Variants in KDM4C observed in about 807,000 individuals in gnomAD.
KDM4C encodes lysine-specific demethylase 4C.
A neutral mutation model predicts 129.3 loss-of-function variants in KDM4C; 81 were observed. The observed-to-expected ratio is 0.63, with a 90% CI of 0.52 to 0.75. The LOEUF (loss-of-function observed/expected upper bound fraction) is 0.75, where lower values mean the gene tolerates loss of function less well. KDM4C is among the 30% of genes least tolerant of loss of function. The pLI, the probability that KDM4C is intolerant of heterozygous loss-of-function variation, is 0.00. For missense variants in KDM4C, 1,457 were observed against 1,304.0 expected (o/e 1.12, Z -1.81); for synonymous variants, 573 against 456.1 (o/e 1.26, Z -3.26).
intron 5 of KDM4C, among the ~76,000 whole-genome samples, chr9:6,856,583 T>TA (rs1491295273): frequency 3.8e-5 from 5 of 132,210 alleles, no homozygotes; most frequent in Admixed American, 7.4e-5. Context: ...TGTGTGTGTA[T>TA]TTTTTTTTGA....
At position 7,128,112 on chromosome 9, in the gene KDM4C, T is replaced by G. The variant is rs754966516; in HGVS notation, c.2657T>G (p.Ile886Ser). ...GTCATTTCCGTGGGTCAAACGGTCA[T>G]CACGAAGCATCGGAACACCCGGTAT... ...EKVISVGQTV[I>S]TKHRNTRYYS... The change falls in exon 19 of 22, where the codon ATC becomes AGC. Residue 886 changes from isoleucine (I) to serine (S), a missense_variant. Transcript: ENST00000381309. The G allele has an allele frequency of 1.4e-5, 23 of 1,610,988 alleles. No individual in the cohort carries two copies. The highest frequency in any genetic ancestry group is 2.0e-5 in the Non-Finnish European group (23 of 1,178,760).
At chr9:6,841,867 C>G (rs1313699403) in intron 4 of KDM4C, among the ~76,000 whole-genome samples, 1 of 152,224 alleles carries the variant, frequency 6.6e-6, no homozygotes, top group East Asian at 1.9e-4. Flanking sequence ...ACAGAGACTT[C>G]TCTTAAGAAG....
chr9:6,861,432 A>G (rs1840903347), intron 5 of KDM4C, among the ~76,000 whole-genome samples: 1 of 152,240 alleles, frequency 6.6e-6, no homozygotes. Flanking sequence ...CAGCCTATAG[A>G]ATAGTACAGT....
At chr9:6,984,070 C>T in intron 9 of KDM4C, 96 bp from the exon 10 acceptor site, 2 of 740,896 alleles carry the variant, frequency 2.7e-6, no homozygotes, top group East Asian at 2.6e-5. Flanking sequence ...CAGTTGTTTC[C>T]TTCTTTAAGC....
intron 2 of KDM4C, among the ~76,000 whole-genome samples, chr9:6,795,103 G>T (rs1011217583): frequency 1.1e-4 from 16 of 152,128 alleles, no homozygotes; most frequent in Non-Finnish European, 2.9e-5. Flanking sequence ...CTGCCAGGCC[G>T]AACCACTCAG....
At chr9:6,952,437 A>AATTATT (rs1342230497) in intron 8 of KDM4C, among the ~76,000 whole-genome samples, 38 of 149,072 alleles carry the variant, frequency 2.5e-4, no homozygotes, top group East Asian at 5.9e-4. Flanking sequence ...ATATAATAAT[A>AATTATT]ATTATTATTA....
At chr9:6,828,792 A>G (rs895165547) in intron 4 of KDM4C, among the ~76,000 whole-genome samples, 3 of 151,978 alleles carry the variant, frequency 2.0e-5, no homozygotes, top group Admixed American at 6.6e-5. Flanking sequence ...AATTGTTTGA[A>G]CCTGGGAGGT....
chr9:6,805,160 A>G (rs1371042475), intron 2 of KDM4C, among the ~76,000 whole-genome samples: 1 of 152,126 alleles, frequency 6.6e-6, no homozygotes, highest in Non-Finnish European at 1.5e-5. Flanking sequence ...CGGCCTCCCA[A>G]AGTGCTGGAA....
At chr9:6,862,003 C>G (rs146328895) in intron 5 of KDM4C, among the ~76,000 whole-genome samples, 167 of 152,194 alleles carry the variant, frequency 1.1e-3, no homozygotes, top group Non-Finnish European at 2.1e-3. Context: ...AACTCCTGAC[C>G]TCAGGTGATT....
chr9:6,898,090 G>T (rs982374486), intron 8 of KDM4C, among the ~76,000 whole-genome samples: 2 of 152,216 alleles, frequency 1.3e-5, no homozygotes, highest in South Asian at 4.1e-4. Flanking sequence ...ATGAAGTGCA[G>T]TTGTTTGATG....
Position 6,758,302 on chromosome 9 carries a change from C to T in KDM4C, c.-18+99C>T, listed in dbSNP as rs112369177. On this transcript the variant is annotated intron_variant, in intron 1 of 21. Transcript: ENST00000381309. The surrounding 1 kb of genome is among the most constrained non-coding windows in gnomAD (Gnocchi z 4.6). ...TCCGCGTGGGGCACGGGGGTGCGGG[C>T]GTCCGGGCGAGCGGCGACGCTGGGG... The T allele has an allele frequency of 6.2e-5, 45 of 728,688 alleles. No individual in the cohort carries two copies. Among genetic ancestry groups the T allele is most frequent in the African/African-American group, 2.3e-4 (12 of 51,768 alleles). 45.1% of individuals were successfully genotyped at this position (728,688 alleles called of 1,614,324 possible).
chr9:6,869,697 G>A (rs1015845261), intron 5 of KDM4C, among the ~76,000 whole-genome samples: 1 of 152,202 alleles, frequency 6.6e-6, no homozygotes, highest in African/African-American at 2.4e-5. Flanking sequence ...TTGCATGTGG[G>A]CCGCCATTCC....
intron 1 of KDM4C, among the ~76,000 whole-genome samples, chr9:6,763,622 C>T (rs1002703067): frequency 2.6e-5 from 4 of 152,110 alleles, no homozygotes; most frequent in African/African-American, 7.2e-5. Flanking sequence ...AAATTTTCTC[C>T]TATGAATCAG....
chr9:6,837,652 G>C (rs1049154451), intron 4 of KDM4C, among the ~76,000 whole-genome samples: 2 of 152,000 alleles, frequency 1.3e-5, no homozygotes, highest in Admixed American at 6.6e-5. Context: ...CTGTCTTTAT[G>C]AACTGTCCTC....
intron 15 of KDM4C, among the ~76,000 whole-genome samples, chr9:7,027,868 G>A (rs918951016): frequency 6.6e-6 from 1 of 152,170 alleles, no homozygotes; most frequent in South Asian, 2.1e-4. Flanking sequence ...GCCCATGACC[G>A]CCACTACTAC....
At chr9:6,988,655 GCCAT>G (rs3072728) in intron 11 of KDM4C, among the ~76,000 whole-genome samples, 43 of 149,240 alleles carry the variant, frequency 2.9e-4, no homozygotes, top group African/African-American at 9.9e-4. Context: ...ATTTTTTAAA[GCCAT>G]CCATCCATCC....
At position 6,896,578 on chromosome 9, in the gene KDM4C, A is replaced by T. The variant is rs925766657; in HGVS notation, c.921+3346A>T. ...AGAGAAGGCAATTTGTTTTTTAATTAAAAAAAAAAAGTAGGTTTTGAAAAG... is the reference window on the plus strand; with the variant it reads ...AGAGAAGGCAATTTGTTTTTTAATTTAAAAAAAAAAGTAGGTTTTGAAAAG... On this transcript the variant is annotated intron_variant, in intron 8 of 21. Coordinates refer to ENST00000381309, the MANE Select transcript of KDM4C (RefSeq NM_015061.6). 3.4e-5 allele frequency among the ~76,000 whole-genome samples: 5 copies of T among 146,014 alleles called. No homozygotes were observed. The East Asian group carries it at 5.9e-4, about 17-fold the overall frequency.
chr9:7,072,841 G>T (rs941743834), intron 17 of KDM4C, among the ~76,000 whole-genome samples: 1 of 152,142 alleles, frequency 6.6e-6, no homozygotes, highest in South Asian at 2.1e-4. Flanking sequence ...TACAATCATT[G>T]TACATACTTA....
chr9:6,812,889 T>TA (rs1831415617), intron 3 of KDM4C, among the ~76,000 whole-genome samples: 1 of 152,176 alleles, frequency 6.6e-6, no homozygotes, highest in Non-Finnish European at 1.5e-5. Flanking sequence ...TAAAAACATT[T>TA]TTAAGGCTGG....
Sources: gnomAD v4.1 joint callset for allele counts (sites outside exome capture counted in the v4.1 genomes callset) on GRCh38, gnomAD v4.1.1 for gene constraint, Gnocchi (gnomAD v3.1) non-coding constraint, MANE v1.5 for transcripts, NCBI Gene and HGNC (gene_info 2026-07-23, HGNC 2026-07-21) for gene names.